PPARGC1A: variants seen among roughly 807,000 people sequenced by gnomAD.
The protein encoded by PPARGC1A is PPARG coactivator 1 alpha.
In PPARGC1A, 25 loss-of-function variants were observed where a neutral mutation model predicts 88.7. That is an observed-to-expected ratio of 0.28 (90% CI 0.21 to 0.39). PPARGC1A has a LOEUF of 0.39. Ranked by LOEUF, PPARGC1A falls within the 10% of genes least tolerant of loss-of-function variation. The probability of loss-of-function intolerance (pLI) is 1.00; values close to 1 mark genes in which losing one functional copy is unlikely to be tolerated. For synonymous variants in PPARGC1A, 363 were observed against 355.6 expected (o/e 1.02, Z -0.24); for missense variants, 880 against 968.7 (o/e 0.91, Z 1.22).
chr4:23,997,674 C>T, the PPARGC1A span, among the ~76,000 whole-genome samples: 6 of 151,708 alleles, frequency 4.0e-5, no homozygotes, highest in East Asian at 7.8e-4. Context: ...GCTAAGTTTT[C>T]GTATTTTAGT....
upstream of PPARGC1A, among the ~76,000 whole-genome samples, chr4:23,905,493 A>C (rs1719927882): frequency 6.6e-6 from 1 of 151,898 alleles, no homozygotes; most frequent in Non-Finnish European, 1.5e-5. Flanking sequence ...CTCTTTTTTC[A>C]CCCTATTCTT....
At chr4:24,153,468 T>C in the PPARGC1A span, among the ~76,000 whole-genome samples, 1 of 152,110 alleles carries the variant, frequency 6.6e-6, no homozygotes, top group African/African-American at 2.4e-5. Context: ...AGGATTTCTT[T>C]ATAAATGAAG....
At chr4:24,392,041 G>T in the PPARGC1A span, among the ~76,000 whole-genome samples, 1 of 152,132 alleles carries the variant, frequency 6.6e-6, no homozygotes, top group African/African-American at 2.4e-5. Context: ...CAGAGCACCA[G>T]GGGAGCCTTA....
chr4:24,459,968 A>T, the PPARGC1A span, among the ~76,000 whole-genome samples: 2 of 152,294 alleles, frequency 1.3e-5, no homozygotes, highest in East Asian at 3.9e-4. Flanking sequence ...GAAATAAGAG[A>T]TATTTGTGTA....
the PPARGC1A span, among the ~76,000 whole-genome samples, chr4:24,096,268 C>G: frequency 1.3e-5 from 2 of 152,180 alleles, no homozygotes; most frequent in African/African-American, 4.8e-5. Context: ...TTCTGTTAAG[C>G]CTGCATAACT....
At chr4:23,890,204 T>A, upstream of PPARGC1A, 1 of 592,286 alleles carries the variant, frequency 1.7e-6, no homozygotes, top group Non-Finnish European at 2.4e-6. Context: ...TCTGCTTCAG[T>A]GAAGTAACGC....
the PPARGC1A span, among the ~76,000 whole-genome samples, chr4:24,049,253 T>C: frequency 1.4e-5 from 2 of 144,306 alleles, no homozygotes; most frequent in South Asian, 4.3e-4. Context: ...TATACACATA[T>C]ATGTATATAA....
chr4:23,993,069 A>G, the PPARGC1A span, among the ~76,000 whole-genome samples: 1 of 152,154 alleles, frequency 6.6e-6, no homozygotes, highest in Non-Finnish European at 1.5e-5. Context: ...CTTAAAAATC[A>G]AAGGCCACTA....
At chr4:24,460,359 A>G in the PPARGC1A span, among the ~76,000 whole-genome samples, 1 of 152,154 alleles carries the variant, frequency 6.6e-6, no homozygotes, top group South Asian at 2.1e-4. Context: ...AGGACACTTT[A>G]CGGTTTACAA....
the PPARGC1A span, among the ~76,000 whole-genome samples, chr4:24,231,614 G>A: frequency 1.3e-5 from 2 of 152,202 alleles, no homozygotes; most frequent in Admixed American, 1.3e-4. Context: ...CTGCCCAGCT[G>A]CAGTTTGTAC....
chr4:24,173,874 TG>T, the PPARGC1A span, among the ~76,000 whole-genome samples: 3 of 152,238 alleles, frequency 2.0e-5, no homozygotes, highest in Non-Finnish European at 4.4e-5. Flanking sequence ...AGCATTTTAA[TG>T]ATAACTCCAC....
the PPARGC1A span, among the ~76,000 whole-genome samples, chr4:24,188,087 T>C: frequency 1.3e-5 from 2 of 152,222 alleles, no homozygotes; most frequent in African/African-American, 4.8e-5. Flanking sequence ...GCAGCTCTAA[T>C]ATAATTCCAA....
chr4:24,051,187 CAAAAA>C, the PPARGC1A span, among the ~76,000 whole-genome samples: 2 of 58,616 alleles, frequency 3.4e-5, no homozygotes, highest in East Asian at 6.9e-4. Context: ...GACTCTGTCT[CAAAAA>C]AAAAAAAAAA....
chr4:24,374,510 A>G, the PPARGC1A span, among the ~76,000 whole-genome samples: 1 of 152,020 alleles, frequency 6.6e-6, no homozygotes, highest in African/African-American at 2.4e-5. Context: ...CCATGACACA[A>G]GTTTACCTAT....
At chr4:23,889,079 G>A (rs1215453594) in intron 1 of PPARGC1A, 37 of 985,238 alleles carry the variant, frequency 3.8e-5, no homozygotes, top group Non-Finnish European at 4.3e-5. Context: ...AACTGCTTGC[G>A]TTATTTTCCC....
the PPARGC1A span, among the ~76,000 whole-genome samples, chr4:23,932,330 T>C: frequency 7.0e-6 from 1 of 142,814 alleles, no homozygotes; most frequent in African/African-American, 2.6e-5. Context: ...ATCTAGTCCA[T>C]CCTCCTCCTG....
chr4:24,247,343 A>G, the PPARGC1A span, among the ~76,000 whole-genome samples: 1 of 152,100 alleles, frequency 6.6e-6, no homozygotes, highest in African/African-American at 2.4e-5. Flanking sequence ...TATACTTTAA[A>G]TTTTCAGCCA....
the PPARGC1A span, among the ~76,000 whole-genome samples, chr4:23,998,606 G>C: frequency 2.0e-5 from 3 of 152,160 alleles, no homozygotes; most frequent in African/African-American, 7.2e-5. Flanking sequence ...ACTAAACTCA[G>C]CATCTAATTT....
chr4:23,874,437 A>G (rs1301466214), intron 2 of PPARGC1A, among the ~76,000 whole-genome samples: 9 of 152,322 alleles, frequency 5.9e-5, no homozygotes, highest in Non-Finnish European at 4.4e-5. Context: ...GTTTGTATTT[A>G]GATATGTGAC....
Sources: gnomAD v4.1 joint callset for allele counts (sites outside exome capture counted in the v4.1 genomes callset) on GRCh38, gnomAD v4.1.1 for gene constraint, MANE v1.5 for transcripts, NCBI Gene and HGNC (gene_info 2026-07-23, HGNC 2026-07-21) for gene names.